The following CDH19 variants were observed in gnomAD, a reference collection of about 807,000 sequenced individuals.
CDH19 encodes the protein cadherin-19.
CDH19 carries 67 observed loss-of-function variants against 64.2 expected under a neutral mutation model. That is an observed-to-expected ratio of 1.04 (90% CI 0.86 to 1.28). The LOEUF (loss-of-function observed/expected upper bound fraction) is 1.28. CDH19 is among the 50% of genes most tolerant of loss of function. The pLI is 0.00. For missense variants in CDH19, 1,030 were observed against 929.0 expected, an observed-to-expected ratio of 1.11 and a Z score of -1.41; for synonymous variants, 346 against 319.3, an observed-to-expected ratio of 1.08 and a Z score of -0.89.
chr18:66,543,982 T>C lies in CDH19; in HGVS notation c.1203A>G (p.Lys401=), dbSNP rs1986998255. The change falls in exon 7 of 12, where the codon AAA becomes AAG. Residue 401 remains lysine (K), a synonymous_variant. Transcript: ENST00000262150. The part of the protein sequence containing the change: ...VVSATDPDNR[K]SPIRYSITRS... ...CCTTACAGACATACCTGATAGGAGA[T>C]TTCCTATTGTCTGGGTCTGTGGCAG... 1.2e-6 allele frequency: 2 copies of C among 1,611,814 alleles called. No homozygotes were observed. Among genetic ancestry groups the C allele is most frequent in the African/African-American group, 2.7e-5 (2 of 74,780 alleles).
intron 1 of CDH19, among the ~76,000 whole-genome samples, chr18:66,587,993 CA>C (rs1351349984): frequency 2.6e-5 from 4 of 152,196 alleles, no homozygotes; most frequent in African/African-American, 9.6e-5. Flanking sequence ...AACAACTCCT[CA>C]AAAAATGTCA....
At chr18:66,547,199 T>C (rs1235262117) in intron 5 of CDH19, among the ~76,000 whole-genome samples, 4 of 152,140 alleles carry the variant, frequency 2.6e-5, no homozygotes, top group Non-Finnish European at 5.9e-5. Flanking sequence ...GAAGTGTTCA[T>C]ATTTCGGATA....
At chr18:66,562,525 T>G (rs1400657320) in intron 3 of CDH19, among the ~76,000 whole-genome samples, 1 of 151,986 alleles carries the variant, frequency 6.6e-6, no homozygotes, top group Non-Finnish European at 1.5e-5. Flanking sequence ...GCTGCTCACC[T>G]CCTGCTGTGC....
At chr18:66,590,706 G>T (rs2144626402) in intron 1 of CDH19, among the ~76,000 whole-genome samples, 1 of 151,988 alleles carries the variant, frequency 6.6e-6, no homozygotes, top group South Asian at 2.1e-4. Flanking sequence ...ACTATGTAAA[G>T]TATTTCCTAA....
chr18:66,598,619 G>A (rs796590770), intron 1 of CDH19, among the ~76,000 whole-genome samples: 51 of 152,170 alleles, frequency 3.4e-4, no homozygotes, highest in African/African-American at 1.2e-3. Context: ...ACTTATAAGT[G>A]GAAAACTTAA....
chr18:66,562,155 G>A (rs1467772544), intron 3 of CDH19, among the ~76,000 whole-genome samples: 1 of 151,612 alleles, frequency 6.6e-6, no homozygotes, highest in African/African-American at 2.4e-5. Context: ...GGATGGTCTG[G>A]GGATGATTAA....
intron 3 of CDH19, among the ~76,000 whole-genome samples, chr18:66,556,929 G>C (rs1371670364): frequency 6.6e-6 from 1 of 151,946 alleles, no homozygotes; most frequent in Non-Finnish European, 1.5e-5. Flanking sequence ...GTGTTGGTGA[G>C]AGTATAGAGA....
At chr18:66,554,325 T>G in intron 4 of CDH19, 80 bp downstream of exon 4, 1 of 1,426,464 alleles carries the variant, frequency 7.0e-7, no homozygotes, top group South Asian at 1.2e-5. Context: ...CTGTAAAACA[T>G]GTTTCTAAGC....
intron 1 of CDH19, among the ~76,000 whole-genome samples, chr18:66,595,508 C>A (rs1988861581): frequency 8.7e-6 from 1 of 114,670 alleles, no homozygotes; most frequent in East Asian, 2.5e-4. Flanking sequence ...CCACCGGCCC[C>A]ACAGAAAAAA....
rs189744954 is a variant in CDH19, at chr18:66,584,256, C to T, written c.-112-11940G>A. 8.6e-5 allele frequency among the ~76,000 whole-genome samples: 13 copies of T among 152,032 alleles called. No individual in the cohort carries two copies. The East Asian group carries it at 2.5e-3, about 29-fold the overall frequency. On this transcript the variant is annotated intron_variant, in intron 1 of 11. Coordinates refer to ENST00000262150, the MANE Select transcript of CDH19 (RefSeq NM_021153.4). The stretch of plus-strand genomic sequence containing the variant: ...ACAAGCACATGACAAAAAGCTCAGT[C>T]TCACTTATTAGAGGAATGAAAATCA...
At position 66,505,277 on chromosome 18, in the gene CDH19, T is replaced by G. The variant is rs774746679; in HGVS notation, c.1854A>C (p.Leu618Phe). Residue 618 changes from leucine to phenylalanine, a missense_variant, in exon 12 of 12, where the codon TTA becomes TTC. Leu to Phe is a conservative substitution (Grantham distance 22, BLOSUM62 0). Transcript: ENST00000262150. ...IFGFIFLTLG[L>F]KQRRKQILFP... The stretch of plus-strand genomic sequence containing the variant: ...ATAGAATCTGTTTTCTCCGTTGTTT[T>G]AAACCCAAAGTCAAAAAAATAAACC... 1.3e-5 allele frequency: 20 copies of G among 1,570,778 alleles called. No homozygotes were observed. The highest frequency in any genetic ancestry group is 1.6e-5 in the Non-Finnish European group (19 of 1,164,296).
intron 8 of CDH19, among the ~76,000 whole-genome samples, chr18:66,532,946 T>C (rs746101852): frequency 1.3e-5 from 2 of 151,784 alleles, no homozygotes; most frequent in Non-Finnish European, 2.9e-5. Flanking sequence ...AGAACATGTA[T>C]ATATTGGATT....
chr18:66,560,362 C>A (rs1454422645), intron 3 of CDH19, among the ~76,000 whole-genome samples: 2 of 151,982 alleles, frequency 1.3e-5, no homozygotes, highest in Non-Finnish European at 2.9e-5. Flanking sequence ...AGCTTGATAT[C>A]TCCATTTATC....
chr18:66,529,878 C>A lies in CDH19; in HGVS notation c.1425G>T (p.Glu475Asp), dbSNP rs1986371406. Residue 475 changes from glutamate (E) to aspartate (D), a missense_variant, in exon 9 of 12, where the codon GAG becomes GAT. Glu to Asp is a conservative substitution (Grantham distance 45). Transcript: ENST00000262150. ...DHAPEFSQYY[E>D]TYVCENAGSG... ...AGCCTGCATTTTCACAAACATAAGTCTCATAGTATTGAGAGAACTCAGGAG... is the reference window on the plus strand; with the variant it reads ...AGCCTGCATTTTCACAAACATAAGTATCATAGTATTGAGAGAACTCAGGAG... 6.3e-7 allele frequency: 1 copy of A among 1,596,852 alleles called. No homozygotes were observed. The highest frequency in any genetic ancestry group is 2.3e-5 in the East Asian group (1 of 43,850).
intron 2 of CDH19, among the ~76,000 whole-genome samples, chr18:66,570,144 T>C (rs1988056325): frequency 6.6e-6 from 1 of 151,622 alleles, no homozygotes; most frequent in Non-Finnish European, 1.5e-5. Context: ...GAGCAATGTA[T>C]GGTTCATATT....
chr18:66,589,321 G>A (rs912606146), intron 1 of CDH19, among the ~76,000 whole-genome samples: 5 of 150,538 alleles, frequency 3.3e-5, no homozygotes, highest in East Asian at 3.9e-4. Flanking sequence ...ATTTTTCTTC[G>A]AACCAACAGT....
chr18:66,577,213 G>A (rs1169466935), intron 1 of CDH19, among the ~76,000 whole-genome samples: 1 of 151,712 alleles, frequency 6.6e-6, no homozygotes, highest in Non-Finnish European at 1.5e-5. Context: ...TTCCAAACAG[G>A]TATTTTTATA....
chr18:66,585,390 T>C (rs1568210503), intron 1 of CDH19, among the ~76,000 whole-genome samples: 1 of 152,032 alleles, frequency 6.6e-6, no homozygotes, highest in African/African-American at 2.4e-5. Context: ...GTAGCACATG[T>C]GGAGCAAGGA....
chr18:66,506,220 A>G (rs1217172426), intron 11 of CDH19, among the ~76,000 whole-genome samples: 4 of 151,978 alleles, frequency 2.6e-5, no homozygotes, highest in African/African-American at 9.7e-5. Flanking sequence ...GCAAAGTTAC[A>G]GTGGGACAGG....
Sources: allele counts gnomAD v4.1 joint callset (sites outside exome capture counted in the v4.1 genomes callset), GRCh38; gene constraint gnomAD v4.1.1; transcripts MANE v1.5; gene names NCBI Gene and HGNC (gene_info 2026-07-23, HGNC 2026-07-21).